ATF6: variants seen among roughly 807,000 people sequenced by gnomAD.
ATF6 encodes the protein activating transcription factor 6, also known as cyclic AMP-dependent transcription factor ATF-6 alpha.
Under a neutral mutation model 83.6 loss-of-function variants are expected in ATF6, and 53 were observed. The observed-to-expected ratio is 0.63, with a 90% CI of 0.51 to 0.80. The LOEUF (loss-of-function observed/expected upper bound fraction) is 0.80, where lower values mean the gene tolerates loss of function less well. Among genes scored for constraint, ATF6 ranks in the 30% least tolerant of loss-of-function variants. ATF6 has a pLI of 0.00. For synonymous variants in ATF6, 288 were observed against 285.8 expected, an observed-to-expected ratio of 1.01 and a Z score of -0.08; for missense variants, 744 against 797.9, an observed-to-expected ratio of 0.93 and a Z score of 0.81.
At chr1:161,841,091 A>G (rs1191941949) in intron 9 of ATF6, among the ~76,000 whole-genome samples, 1 of 152,206 alleles carries the variant, frequency 6.6e-6, no homozygotes, top group Non-Finnish European at 1.5e-5. Context: ...GGACATTTGA[A>G]TGATGCAAAA....
intron 9 of ATF6, among the ~76,000 whole-genome samples, chr1:161,825,320 G>A (rs1685866491): frequency 6.6e-6 from 1 of 152,170 alleles, no homozygotes; most frequent in Non-Finnish European, 1.5e-5. Flanking sequence ...GGGATTACAG[G>A]TGTGAGCCAT....
intron 15 of ATF6, among the ~76,000 whole-genome samples, chr1:161,938,803 G>A (rs927592904): frequency 2.0e-5 from 3 of 152,190 alleles, no homozygotes; most frequent in African/African-American, 7.2e-5. Context: ...TTATAAAAAT[G>A]TAACTTCTTC....
chr1:161,809,401 C>T lies in ATF6; in HGVS notation c.909+7129C>T, dbSNP rs543017412. 1.4e-4 allele frequency among the ~76,000 whole-genome samples: 22 copies of T among 152,300 alleles called. No homozygotes were observed. The South Asian group carries it at 4.6e-3, about 32-fold the overall frequency. ...TCCTTTTTTATGGCTGCATAGTATT[C>T]CATGGTGTATATGTGCCACATTTTT... On this transcript the variant is annotated intron_variant, in intron 7 of 15. Coordinates refer to ENST00000367942, the MANE Select transcript of ATF6 (RefSeq NM_007348.4).
intron 15 of ATF6, among the ~76,000 whole-genome samples, chr1:161,936,547 T>A (rs36080602): frequency 0.027 from 4,152 of 152,284 alleles, 93 homozygotes; most frequent in East Asian, 0.11. Context: ...CATCATATAT[T>A]TGTATGGGAT....
At position 161,844,114 on chromosome 1, in the gene ATF6, A is replaced by G. The variant is rs545331057; in HGVS notation, c.1188-2335A>G. Among the ~76,000 whole-genome samples the G allele has an allele frequency of 2.0e-5, 3 of 152,378 alleles. No homozygotes were observed. In the South Asian group the frequency reaches 6.2e-4, roughly 32 times the overall value. ...AGCCTATGCGATATTAGACTGCATC[A>G]GTAGAACAACAGTGTCTAGAACAAA... On this transcript the variant is annotated intron_variant, in intron 9 of 15. Coordinates refer to ENST00000367942, the MANE Select transcript of ATF6 (RefSeq NM_007348.4).
intron 15 of ATF6, among the ~76,000 whole-genome samples, chr1:161,937,737 T>G (rs1165893462): frequency 1.4e-5 from 2 of 146,204 alleles, no homozygotes; most frequent in Admixed American, 7.0e-5. Flanking sequence ...TCGGGGCCTT[T>G]CGGGGGGTGG....
At chr1:161,842,971 G>C (rs1686393044) in intron 9 of ATF6, among the ~76,000 whole-genome samples, 1 of 152,124 alleles carries the variant, frequency 6.6e-6, no homozygotes. Context: ...ATTGTATACT[G>C]TACACATTTT....
chr1:161,829,655 C>A (rs1464271995), intron 9 of ATF6, among the ~76,000 whole-genome samples: 3 of 151,994 alleles, frequency 2.0e-5, no homozygotes, highest in African/African-American at 7.2e-5. Flanking sequence ...TCAACATACA[C>A]AAATCAATAA....
chr1:161,958,193 C>A (rs1689006404), intron 15 of ATF6, among the ~76,000 whole-genome samples: 1 of 152,068 alleles, frequency 6.6e-6, no homozygotes, highest in African/African-American at 2.4e-5. Flanking sequence ...GCATTATTAA[C>A]CCTGGCAGTT....
intron 14 of ATF6, among the ~76,000 whole-genome samples, chr1:161,873,679 A>G (rs1571206247): frequency 1.3e-5 from 2 of 151,544 alleles, no homozygotes; most frequent in Non-Finnish European, 3.0e-5. Context: ...CTTTGAAGAG[A>G]TATCCAGTTC....
Position 161,814,938 on chromosome 1 carries a change from A to C in ATF6, c.910-4695A>C, listed in dbSNP as rs1252675162. On this transcript the variant is annotated intron_variant, in intron 7 of 15. Transcript: ENST00000367942. ...CAATAATGTATGTTATGTAATTTTT[A>C]TTTAATTGAAAGATTGTATTTTTAT... is the stretch of plus-strand genomic sequence containing the variant. Among the ~76,000 whole-genome samples, 3 of 152,262 alleles carry C rather than the reference A, an allele frequency of 2.0e-5. No homozygotes were observed. The South Asian group carries it at 6.2e-4, about 31-fold the overall frequency.
In ATF6 at chr1:161,782,019, G is replaced by C. The variant is rs775097907; in HGVS notation, c.247+20G>C. 12 of 1,524,940 alleles carry C rather than the reference G, an allele frequency of 7.9e-6. No individual in the cohort carries two copies. Among genetic ancestry groups the C allele is most frequent in the Admixed American group, 3.9e-5 (2 of 51,116 alleles). The allele number at this position is 1,524,940 out of a possible 1,614,324, so 94.5% of individuals were successfully genotyped here. ...GTACAGGTAATTATGTGTTTCACTG[G>C]TAAAAGTTTTAAAAAGATCAATTTT... is the stretch of plus-strand genomic sequence containing the variant. On this transcript the variant is annotated intron_variant, in intron 3 of 15. Coordinates refer to ENST00000367942, the MANE Select transcript of ATF6 (RefSeq NM_007348.4).
chr1:161,886,097 G>A (rs971763602), intron 14 of ATF6, among the ~76,000 whole-genome samples: 4 of 152,184 alleles, frequency 2.6e-5, no homozygotes, highest in Non-Finnish European at 5.9e-5. Context: ...ATAGAAGGAT[G>A]AGTAGGGTAG....
At position 161,958,787 on chromosome 1, in the gene ATF6, A is replaced by C; in HGVS notation, c.*133A>C. The C allele has an allele frequency of 1.4e-6, 1 of 708,720 alleles. No individual in the cohort carries two copies. Among genetic ancestry groups the C allele is most frequent in the African/African-American group, 1.8e-5 (1 of 56,254 alleles). 43.9% of individuals were successfully genotyped at this position (708,720 alleles called of 1,614,324 possible). A position where few individuals can be genotyped will look rare whatever the true frequency, so the allele number is the denominator to read the frequency against. On this transcript the variant is annotated 3_prime_UTR_variant, in exon 16 of 16. Transcript: ENST00000367942. ...ACTAGAATTCAAGGAGGAAAGAAGAAGAAATAAAAGAAGCTGCTCCATTTT... is the reference window on the plus strand; with the variant it reads ...ACTAGAATTCAAGGAGGAAAGAAGACGAAATAAAAGAAGCTGCTCCATTTT...
chr1:161,898,159 C>T (rs1469738980), intron 14 of ATF6, among the ~76,000 whole-genome samples: 2 of 152,190 alleles, frequency 1.3e-5, no homozygotes, highest in Non-Finnish European at 2.9e-5. Flanking sequence ...AACCTTCTTA[C>T]AGTGCAACTT....
intron 9 of ATF6, among the ~76,000 whole-genome samples, chr1:161,827,218 A>G (rs1685925350): frequency 1.3e-5 from 2 of 152,182 alleles, no homozygotes; most frequent in African/African-American, 2.4e-5. Context: ...GGTGTGAGCC[A>G]CTGCGCCTGG....
chr1:161,793,598 C>T (rs578246375), intron 6 of ATF6, among the ~76,000 whole-genome samples: 3 of 152,302 alleles, frequency 2.0e-5, no homozygotes, highest in African/African-American at 7.2e-5. Context: ...AGAATTTAAA[C>T]TAATGAAGAA....
At chr1:161,875,266 T>C (rs1208240814) in intron 14 of ATF6, among the ~76,000 whole-genome samples, 1 of 151,684 alleles carries the variant, frequency 6.6e-6, no homozygotes, top group African/African-American at 2.4e-5. Context: ...CAACAAGAGG[T>C]AGTTTCTTAA....
intron 14 of ATF6, among the ~76,000 whole-genome samples, chr1:161,904,375 G>A (rs527455420): frequency 7.2e-5 from 11 of 152,112 alleles, no homozygotes; most frequent in Non-Finnish European, 1.6e-4. Context: ...ATCACCTGAG[G>A]TCAGGAGTTC....
Sources: allele counts gnomAD v4.1 joint callset (sites outside exome capture counted in the v4.1 genomes callset), GRCh38; gene constraint gnomAD v4.1.1; transcripts MANE v1.5; gene names NCBI Gene and HGNC (gene_info 2026-07-23, HGNC 2026-07-21).